The following COL11A1 variants were observed in gnomAD, a reference collection of about 807,000 sequenced individuals.
The protein encoded by COL11A1 is collagen alpha-1(XI) chain.
Under a neutral mutation model 265.2 loss-of-function variants are expected in COL11A1, and 74 were observed. That is an observed-to-expected ratio of 0.28 (90% CI 0.23 to 0.34). The LOEUF (loss-of-function observed/expected upper bound fraction) is 0.34. Ranked by LOEUF, COL11A1 falls within the 10% of genes least tolerant of loss-of-function variation. The probability of loss-of-function intolerance (pLI) is 1.00; values close to 1 mark genes in which losing one functional copy is unlikely to be tolerated. For missense variants in COL11A1, 2,165 were observed against 2,263.6 expected (o/e 0.96, Z 0.88); for synonymous variants, 816 against 727.6 (o/e 1.12, Z -1.96).
intron 14 of COL11A1, among the ~76,000 whole-genome samples, chr1:103,010,603 C>T (rs916260689): frequency 2.6e-5 from 4 of 152,004 alleles, no homozygotes; most frequent in African/African-American, 7.3e-5. Flanking sequence ...TCATTGCTGC[C>T]GTTAGCCTCT....
At chr1:102,954,519 G>A (rs1276221289) in intron 41 of COL11A1, among the ~76,000 whole-genome samples, 1 of 152,054 alleles carries the variant, frequency 6.6e-6, no homozygotes, top group African/African-American at 2.4e-5. Flanking sequence ...TACAACTAGA[G>A]GGCAAAAACA....
chr1:102,920,262 C>T lies in COL11A1; in HGVS notation c.3762+49G>A, dbSNP rs1396156529. 2.6e-6 allele frequency: 4 copies of T among 1,510,084 alleles called. No individual in the cohort carries two copies. The Middle Eastern group carries it at 5.1e-4, about 193-fold the overall frequency. 93.5% of individuals were successfully genotyped at this position (1,510,084 alleles called of 1,614,324 possible). A position where few individuals can be genotyped will look rare whatever the true frequency, so the allele number is the denominator to read the frequency against. ...CTTAAACTACTACCCAATATTATTA[C>T]AGTTCTTAATTCATGCTGTTTCAAA... On this transcript the variant is annotated intron_variant, in intron 49 of 66. Coordinates refer to ENST00000370096, the MANE Select transcript of COL11A1 (RefSeq NM_001854.4).
chr1:103,012,938 GC>G (rs1481084417), intron 13 of COL11A1, among the ~76,000 whole-genome samples: 1 of 152,056 alleles, frequency 6.6e-6, no homozygotes, highest in East Asian at 1.9e-4. Context: ...GATAATATGT[GC>G]CTTTTAACAA....
chr1:102,950,604 A>T (rs571580142), intron 41 of COL11A1, among the ~76,000 whole-genome samples: 36 of 152,244 alleles, frequency 2.4e-4, no homozygotes, highest in African/African-American at 8.4e-4. Context: ...AAAATATTAC[A>T]TCTCTCACTG....
At chr1:102,954,599 C>T (rs1660185315) in intron 41 of COL11A1, among the ~76,000 whole-genome samples, 1 of 152,196 alleles carries the variant, frequency 6.6e-6, no homozygotes, top group Admixed American at 6.5e-5. Flanking sequence ...AATCCCAACA[C>T]TTTGGGAGGC....
At position 102,886,896 on chromosome 1, in the gene COL11A1, A is replaced by AT. The variant is rs770626436; in HGVS notation, c.4768dup (p.Ile1590AsnfsTer2). 1 of 1,613,832 alleles carries AT rather than the reference A, an allele frequency of 6.2e-7. No individual in the cohort carries two copies. Among genetic ancestry groups the AT allele is most frequent in the African/African-American group, 1.3e-5 (1 of 75,022 alleles). ...ACCCATTGGAAATTTCATATGCTCA[A>AT]TGTCTTGTTTCAGGGAATTGAGGGA... On this transcript the variant is annotated frameshift_variant, in exon 63 of 67. Transcript: ENST00000370096. LOFTEE classifies it high-confidence loss of function.
chr1:102,881,805 AT>A, intron 64 of COL11A1, 40 bp from the exon 65 acceptor site: 2 of 1,443,692 alleles, frequency 1.4e-6, no homozygotes, highest in Non-Finnish European at 9.7e-7. Context: ...GTAGGTGAAA[AT>A]TTACAATATA....
intron 31 of COL11A1, chr1:102,979,660 C>T (rs1381274069): frequency 4.9e-6 from 3 of 611,916 alleles, no homozygotes; most frequent in Non-Finnish European, 8.9e-6. Context: ...AGTTTTTAAC[C>T]TTCTGAGTAA....
At chr1:102,964,391 A>G (rs1357731998) in intron 38 of COL11A1, among the ~76,000 whole-genome samples, 2 of 152,188 alleles carry the variant, frequency 1.3e-5, no homozygotes, top group Non-Finnish European at 2.9e-5. Context: ...TTTAACTAAA[A>G]CTGATAAGCA....
chr1:103,002,621 T>A, intron 22 of COL11A1, 126 bp downstream of exon 22: 1 of 1,104,442 alleles, frequency 9.1e-7, no homozygotes, highest in Non-Finnish European at 1.4e-6. Flanking sequence ...AAAATATTAA[T>A]GCAAGCTGTA....
At chr1:102,894,997 AGTGT>A (rs754186211) in intron 57 of COL11A1, among the ~76,000 whole-genome samples, 4 of 150,274 alleles carry the variant, frequency 2.7e-5, no homozygotes, top group African/African-American at 9.9e-5. Flanking sequence ...ACACATTTGT[AGTGT>A]GTGTGAGTGT....
chr1:102,937,552 C>A (rs1204312828), intron 44 of COL11A1, among the ~76,000 whole-genome samples: 1 of 152,074 alleles, frequency 6.6e-6, no homozygotes, highest in South Asian at 2.1e-4. Flanking sequence ...AGCTGCATAG[C>A]GATTGAGTTC....
intron 4 of COL11A1, among the ~76,000 whole-genome samples, chr1:103,071,254 A>T (rs1031859242): frequency 1.3e-5 from 2 of 151,896 alleles, no homozygotes; most frequent in Admixed American, 6.6e-5. Flanking sequence ...ATTTTAAAAA[A>T]TTAGGAAACA....
At position 103,022,955 on chromosome 1, in the gene COL11A1, C is replaced by A; in HGVS notation, c.1032G>T (p.Thr344=). Residue 344 remains threonine, a synonymous_variant, in exon 8 of 67, where the codon ACG becomes ACT. Transcript: ENST00000370096. The part of the protein sequence containing the change: ...VEEIFTEEYL[T]GEDYDSQRKN... The stretch of plus-strand genomic sequence containing the variant: ...TCCTCTGGGAATCATAATCCTCTCC[C>A]GTTAGATATTCTTCAGTAAATATTT... 6.2e-7 allele frequency: 1 copy of A among 1,613,158 alleles called. No homozygotes were observed. The highest frequency in any genetic ancestry group is 8.5e-7 in the Non-Finnish European group (1 of 1,179,516).
At chr1:103,064,713 AAAG>A (rs1156393438) in intron 4 of COL11A1, among the ~76,000 whole-genome samples, 1 of 150,402 alleles carries the variant, frequency 6.6e-6, no homozygotes, top group Non-Finnish European at 1.5e-5. Flanking sequence ...AAAAAAAAAA[AAAG>A]AGAATACATA....
At chr1:102,928,813 T>C (rs1656977631) in intron 46 of COL11A1, among the ~76,000 whole-genome samples, 2 of 142,666 alleles carry the variant, frequency 1.4e-5, no homozygotes, top group Admixed American at 1.5e-4. Flanking sequence ...GGTATCTCAT[T>C]GTGGTTTTGA....
chr1:102,989,691 T>C, intron 28 of COL11A1, 120 bp from the exon 29 acceptor site: 1 of 569,850 alleles, frequency 1.8e-6, no homozygotes, highest in Non-Finnish European at 3.1e-6. Flanking sequence ...GAAATGTGCA[T>C]GGTAGTTGTG....
intron 41 of COL11A1, among the ~76,000 whole-genome samples, chr1:102,947,453 C>T (rs1369377664): frequency 6.6e-6 from 1 of 151,984 alleles, no homozygotes; most frequent in African/African-American, 2.4e-5. Context: ...TTAGGATACA[C>T]ACAAAATTTT....
intron 4 of COL11A1, among the ~76,000 whole-genome samples, chr1:103,052,024 G>C (rs1483674346): frequency 3.3e-5 from 5 of 152,008 alleles, no homozygotes; most frequent in African/African-American, 1.2e-4. Context: ...ATGTGCTAAA[G>C]GCCAAAAATA....
Sources: allele counts gnomAD v4.1 joint callset (sites outside exome capture counted in the v4.1 genomes callset), GRCh38; gene constraint gnomAD v4.1.1; transcripts MANE v1.5; gene names NCBI Gene and HGNC (gene_info 2026-07-23, HGNC 2026-07-21).